The following MBD5 variants were observed in gnomAD, a reference collection of about 807,000 sequenced individuals.
MBD5 encodes the protein methyl-CpG binding domain protein 5.
Under a neutral mutation model 117.3 loss-of-function variants are expected in MBD5, and 13 were observed. The ratio of observed to expected loss-of-function variants is 0.11; its 90% CI spans 0.07 to 0.18. The LOEUF is 0.18. Among genes scored for constraint, MBD5 ranks in the 10% least tolerant of loss-of-function variants. The probability of loss-of-function intolerance (pLI) is 1.00; values close to 1 mark genes in which losing one functional copy is unlikely to be tolerated. For missense variants in MBD5, 1,879 were observed against 2,093.8 expected (o/e 0.90, Z 2.00); for synonymous variants, 727 against 766.4 (o/e 0.95, Z 0.85).
chr2:148,259,331 G>A (rs530832822), intron 3 of MBD5, among the ~76,000 whole-genome samples: 34 of 152,214 alleles, frequency 2.2e-4, no homozygotes, highest in Non-Finnish European at 4.3e-4. Context: ...GCAAAGACTC[G>A]TTCATTCTCA....
In MBD5 at chr2:148,066,491, T is replaced by C. The variant is rs930902610; in HGVS notation, c.-925+44807T>C. Among the ~76,000 whole-genome samples the C allele has an allele frequency of 2.6e-5, 4 of 151,288 alleles. No individual in the cohort carries two copies. The East Asian group carries it at 7.7e-4, about 29-fold the overall frequency. On this transcript the variant is annotated intron_variant, in intron 1 of 13. Transcript: ENST00000642680. ...CCGCATATACCATTTTTTTCTTTTT[T>C]TTTTTTTTTTGTTGAGACAGAGTCT...
At position 148,470,230 on chromosome 2, in the gene MBD5, A is replaced by G. The variant is rs1680749646; in HGVS notation, c.2287A>G (p.Asn763Asp). Residue 763 changes from asparagine (N) to aspartate (D), a missense_variant, in exon 8 of 14, where the codon AAT becomes GAT. By Grantham distance (23) the Asn-to-Asp change is conservative. Transcript: ENST00000642680. ...AAGAGGGGAAGCCGTGCACTGCCAC[A>G]ATGCAAACACTAACTTTGTTCACAG... is the stretch of plus-strand genomic sequence containing the variant. ...PLRGEAVHCHNANTNFVHSNS... is the reference protein window; with the variant it reads ...PLRGEAVHCHDANTNFVHSNS... The G allele has an allele frequency of 6.2e-7, 1 of 1,613,970 alleles. No individual in the cohort carries two copies. Among genetic ancestry groups the G allele is most frequent in the Non-Finnish European group, 8.5e-7 (1 of 1,179,896 alleles).
At chr2:148,068,211 A>T (rs13013887) in intron 1 of MBD5, among the ~76,000 whole-genome samples, 1 of 152,044 alleles carries the variant, frequency 6.6e-6, no homozygotes, top group South Asian at 2.1e-4. Flanking sequence ...GGCCAGGAAA[A>T]AAAAGCTCCT....
At chr2:148,342,760 A>G (rs989867799) in intron 4 of MBD5, among the ~76,000 whole-genome samples, 1 of 151,872 alleles carries the variant, frequency 6.6e-6, no homozygotes, top group Non-Finnish European at 1.5e-5. Context: ...TTTAAAAAAA[A>G]TTTATTTTTT....
chr2:148,269,302 A>G (rs776822592), intron 3 of MBD5, among the ~76,000 whole-genome samples: 13 of 151,138 alleles, frequency 8.6e-5, no homozygotes, highest in Non-Finnish European at 1.3e-4. Context: ...TGGTTTATAT[A>G]TTTTAATTTT....
At chr2:148,502,407 T>C (rs749588588) in intron 11 of MBD5, 29 bp from the exon 12 acceptor site, 5 of 1,605,460 alleles carry the variant, frequency 3.1e-6, no homozygotes, top group Non-Finnish European at 3.4e-6. Context: ...GTCTGGGTAA[T>C]GTGGTTTGGT....
chr2:148,155,454 T>C (rs570215996), intron 1 of MBD5, among the ~76,000 whole-genome samples: 100 of 152,216 alleles, frequency 6.6e-4, no homozygotes, highest in Non-Finnish European at 1.0e-3. Flanking sequence ...TTCTTAAAAA[T>C]TGGGAACTGT....
chr2:148,280,131 C>CAAAAAAAAAAAACAAAAAAAA (rs1701208950), intron 3 of MBD5, among the ~76,000 whole-genome samples: 1 of 91,884 alleles, frequency 1.1e-5, no homozygotes, highest in African/African-American at 4.0e-5. Context: ...AAACTAACTG[C>CAAAAAAAAAAAACAAAAAAAA]AAAAAAAAAA....
At chr2:148,068,334 A>G (rs2105056586) in intron 1 of MBD5, among the ~76,000 whole-genome samples, 1 of 152,306 alleles carries the variant, frequency 6.6e-6, no homozygotes, top group Admixed American at 6.5e-5. Context: ...TTCTGGGTGG[A>G]CAGGTGCTCA....
At chr2:148,194,594 A>C (rs1380606041) in intron 2 of MBD5, among the ~76,000 whole-genome samples, 1 of 102,644 alleles carries the variant, frequency 9.7e-6, no homozygotes, top group African/African-American at 3.2e-5. Context: ...GGAATATCAC[A>C]CTCTGGGGAC....
At chr2:148,224,093 T>C (rs999813069) in intron 2 of MBD5, among the ~76,000 whole-genome samples, 1 of 152,216 alleles carries the variant, frequency 6.6e-6, no homozygotes, top group Non-Finnish European at 1.5e-5. Context: ...ACATGCTTGA[T>C]ATTATTTCAG....
rs115051509 is a variant in MBD5 at position 148,155,265 on chromosome 2, G to A, written c.-924-23435G>A. 2.6e-3 allele frequency among the ~76,000 whole-genome samples: 400 copies of A among 152,232 alleles called. 1 individual carries two copies. The highest frequency in any genetic ancestry group is 8.9e-3 in the African/African-American group (369 of 41,544). On this transcript the variant is annotated intron_variant, in intron 1 of 13. Coordinates refer to ENST00000642680, the MANE Select transcript of MBD5 (RefSeq NM_001378120.1). Reference sequence around the variant, plus strand: ...CTGAGGAGGTGATAGATCAAGTCACGTGGGTACCTGGGGGAAGACTGTTAC... The same window carrying A: ...CTGAGGAGGTGATAGATCAAGTCACATGGGTACCTGGGGGAAGACTGTTAC...
chr2:148,337,162 C>G (rs190606199), intron 3 of MBD5, among the ~76,000 whole-genome samples: 122 of 152,314 alleles, frequency 8.0e-4, no homozygotes, highest in African/African-American at 2.8e-3. Flanking sequence ...CACAGCCCCT[C>G]CAAACTCTTT....
chr2:148,426,924 G>C (rs1221225749), intron 4 of MBD5, among the ~76,000 whole-genome samples: 9 of 152,012 alleles, frequency 5.9e-5, no homozygotes, highest in South Asian at 2.1e-4. Context: ...CTAATATCCA[G>C]AATCTACCAT....
At chr2:148,479,380 A>C (rs1016939145) in intron 8 of MBD5, among the ~76,000 whole-genome samples, 2 of 152,196 alleles carry the variant, frequency 1.3e-5, no homozygotes, top group Non-Finnish European at 2.9e-5. Context: ...AAACACACCA[A>C]CACATAGCAT....
rs180738470 is a variant in MBD5 at position 148,479,355 on chromosome 2, T to C, written c.2519-3755T>C. Among the ~76,000 whole-genome samples the C allele has an allele frequency of 3.8e-3, 577 of 152,310 alleles. 10 individuals carry two copies. The highest frequency in any genetic ancestry group is 1.1e-3 in the Non-Finnish European group (75 of 68,020). ...CTTTCTCCACAAACGGGTGGTATTC[T>C]TTCCCTTTGTCCACAAACACACCAA... On this transcript the variant is annotated intron_variant, in intron 8 of 13. Coordinates refer to ENST00000642680, the MANE Select transcript of MBD5 (RefSeq NM_001378120.1).
intron 3 of MBD5, among the ~76,000 whole-genome samples, chr2:148,249,767 A>G (rs145175759): frequency 3.9e-5 from 6 of 152,108 alleles, no homozygotes; most frequent in African/African-American, 1.4e-4. Flanking sequence ...CCTGCCTTCT[A>G]TTACTATCTA....
At chr2:148,063,644 A>C (rs2105011530) in intron 1 of MBD5, among the ~76,000 whole-genome samples, 2 of 152,200 alleles carry the variant, frequency 1.3e-5, no homozygotes, top group South Asian at 2.1e-4. Context: ...CTATGTGAAC[A>C]AGGGCTCACT....
chr2:148,426,923 A>G (rs1705810906), intron 4 of MBD5, among the ~76,000 whole-genome samples: 1 of 152,212 alleles, frequency 6.6e-6, no homozygotes, highest in Admixed American at 6.5e-5. Context: ...GCTAATATCC[A>G]GAATCTACCA....
Sources: allele counts gnomAD v4.1 joint callset (sites outside exome capture counted in the v4.1 genomes callset), GRCh38; gene constraint gnomAD v4.1.1; transcripts MANE v1.5; gene names NCBI Gene and HGNC (gene_info 2026-07-23, HGNC 2026-07-21).